The following PREX1 variants were observed in gnomAD, a reference collection of about 807,000 sequenced individuals.
The protein encoded by PREX1 is phosphatidylinositol 3,4,5-trisphosphate-dependent Rac exchanger 1 protein.
A neutral mutation model predicts 198.3 loss-of-function variants in PREX1; 41 were observed. The ratio of observed to expected loss-of-function variants is 0.21; its 90% CI spans 0.16 to 0.27. PREX1 has a LOEUF of 0.27. PREX1 is among the 10% of genes least tolerant of loss of function. The probability of loss-of-function intolerance (pLI) is 1.00; values close to 1 mark genes in which losing one functional copy is unlikely to be tolerated. For missense variants in PREX1, 1,620 were observed against 2,200.7 expected, an observed-to-expected ratio of 0.74 and a Z score of 5.28; for synonymous variants, 843 against 887.2, an observed-to-expected ratio of 0.95 and a Z score of 0.89.
chr20:48,628,960 G>A (rs2089293074), intron 37 of PREX1, among the ~76,000 whole-genome samples: 1 of 152,146 alleles, frequency 6.6e-6, no homozygotes, highest in East Asian at 1.9e-4. Flanking sequence ...GGGGAGTGGG[G>A]GTGAGGGCTG....
chr20:48,779,101 G>A (rs1046940074), intron 1 of PREX1, among the ~76,000 whole-genome samples: 1 of 152,134 alleles, frequency 6.6e-6, no homozygotes, highest in Non-Finnish European at 1.5e-5. Context: ...ATTTACAAAT[G>A]ACATATCTGA....
chr20:48,886,258 C>T, the PREX1 span, among the ~76,000 whole-genome samples: 1 of 152,172 alleles, frequency 6.6e-6, no homozygotes, highest in East Asian at 1.9e-4. Context: ...AAAGTTTATT[C>T]ATTAGTGTAA....
At chr20:48,696,402 C>T (rs2089845694) in intron 7 of PREX1, among the ~76,000 whole-genome samples, 1 of 152,170 alleles carries the variant, frequency 6.6e-6, no homozygotes, top group Non-Finnish European at 1.5e-5. Context: ...TGGGTCTACT[C>T]CTAAACTCAC....
chr20:48,823,571 C>T (rs1375733736), intron 1 of PREX1, among the ~76,000 whole-genome samples: 1 of 152,214 alleles, frequency 6.6e-6, no homozygotes, highest in Non-Finnish European at 1.5e-5. Flanking sequence ...CTCACTCAAC[C>T]CTCGTGCCAT....
At chr20:48,849,339 A>G in the PREX1 span, 1 of 152,184 alleles carries the variant, frequency 6.6e-6, no homozygotes, top group Non-Finnish European at 1.5e-5. Flanking sequence ...GAAACAGAAC[A>G]ATACTATGTG....
chr20:48,692,008 G>A (rs1330536769), intron 8 of PREX1, among the ~76,000 whole-genome samples: 1 of 152,096 alleles, frequency 6.6e-6, no homozygotes, highest in African/African-American at 2.4e-5. Flanking sequence ...TCCCACCTCA[G>A]CCTCCACAGT....
chr20:48,666,218 T>A lies in PREX1; in HGVS notation c.1738+65A>T. ...AGACCTGGCTTCAGTCCTCCCATAC[T>A]CCCCCAAACCATCAGCTCCAGGGAG... On this transcript the variant is annotated intron_variant, in intron 15 of 39. Coordinates refer to ENST00000371941, the MANE Select transcript of PREX1 (RefSeq NM_020820.4). The surrounding 1 kb of genome is among the most constrained non-coding windows in gnomAD (Gnocchi z 4.3). The A allele has an allele frequency of 6.8e-7, 1 of 1,472,608 alleles. No individual in the cohort carries two copies. Among genetic ancestry groups the A allele is most frequent in the Non-Finnish European group, 9.2e-7 (1 of 1,084,444 alleles). 91.2% of individuals were successfully genotyped at this position (1,472,608 alleles called of 1,614,324 possible). A position where few individuals can be genotyped will look rare whatever the true frequency, so the allele number is the denominator to read the frequency against.
intron 1 of PREX1, among the ~76,000 whole-genome samples, chr20:48,809,012 GAGCC>G (rs2090423619): frequency 6.6e-6 from 1 of 152,216 alleles, no homozygotes; most frequent in Non-Finnish European, 1.5e-5. Context: ...GAACCTTTCT[GAGCC>G]TCTGCTTCCT....
At chr20:48,750,150 T>C (rs1181271058) in intron 1 of PREX1, among the ~76,000 whole-genome samples, 5 of 152,114 alleles carry the variant, frequency 3.3e-5, no homozygotes, top group African/African-American at 9.7e-5. Flanking sequence ...CCTCTGACAC[T>C]CCATTTCCAA....
At chr20:48,704,911 T>C (rs2869669) in intron 6 of PREX1, among the ~76,000 whole-genome samples, 88,380 of 151,758 alleles carry the variant, frequency 0.58, 28,040 homozygotes, top group African/African-American at 0.85. Context: ...GAGCTTCACA[T>C]GGAAGTCCAT....
intron 1 of PREX1, among the ~76,000 whole-genome samples, chr20:48,809,990 G>A (rs995948447): frequency 7.9e-5 from 12 of 152,190 alleles, no homozygotes; most frequent in African/African-American, 2.7e-4. Flanking sequence ...CAAAGAACAA[G>A]AAGGACCACT....
At chr20:48,729,343 C>G (rs1409054835) in intron 4 of PREX1, among the ~76,000 whole-genome samples, 5 of 152,110 alleles carry the variant, frequency 3.3e-5, no homozygotes, top group African/African-American at 1.2e-4. Flanking sequence ...TCCTAAAGTG[C>G]TAGGATTACA....
chr20:48,873,593 G>A, the PREX1 span, among the ~76,000 whole-genome samples: 2 of 149,026 alleles, frequency 1.3e-5, no homozygotes, highest in African/African-American at 2.5e-5. Context: ...GGTGGCGGGC[G>A]CCTATAATCC....
At chr20:48,704,559 C>CCTT (rs2089893282) in intron 6 of PREX1, among the ~76,000 whole-genome samples, 5 of 133,372 alleles carry the variant, frequency 3.7e-5, no homozygotes, top group South Asian at 2.7e-4. Flanking sequence ...CTTCCTTCCT[C>CCTT]CCTCCCTCTC....
At chr20:48,670,331 C>T (rs951761498) in intron 14 of PREX1, among the ~76,000 whole-genome samples, 1 of 138,472 alleles carries the variant, frequency 7.2e-6, no homozygotes, top group African/African-American at 2.7e-5. Context: ...ACCCTGCTAC[C>T]ATCAGTACCT....
intron 4 of PREX1, among the ~76,000 whole-genome samples, chr20:48,733,760 G>GC (rs2090045250): frequency 7.2e-6 from 1 of 139,436 alleles, no homozygotes; most frequent in Non-Finnish European, 1.6e-5. Flanking sequence ...TTTGTTTTTT[G>GC]TTTTTTTTGA....
At chr20:48,698,034 A>G (rs1200778106) in intron 7 of PREX1, among the ~76,000 whole-genome samples, 1 of 152,068 alleles carries the variant, frequency 6.6e-6, no homozygotes. Flanking sequence ...CCATTGCCCA[A>G]TCTCCTGGGC....
chr20:48,788,694 T>C (rs1395535831), intron 1 of PREX1, among the ~76,000 whole-genome samples: 1 of 152,136 alleles, frequency 6.6e-6, no homozygotes. Context: ...ATTTCATGTG[T>C]TGGAAACAAA....
rs529993599 is a variant in PREX1 at position 48,758,410 on chromosome 20, A to G, written c.220-10530T>C. On this transcript the variant is annotated intron_variant, in intron 1 of 39. Coordinates refer to ENST00000371941, the MANE Select transcript of PREX1 (RefSeq NM_020820.4). ...GGAGCGTCCCTCTGGTGTGCCCTGG[A>G]GTGGTTGAGGTGTCGCAATGCAGCC... Among the ~76,000 whole-genome samples, 5 of 152,160 alleles carry G rather than the reference A, an allele frequency of 3.3e-5. No homozygotes were observed. In the South Asian group the frequency reaches 8.3e-4, roughly 25 times the overall value.
Sources: gnomAD v4.1 joint callset for allele counts (sites outside exome capture counted in the v4.1 genomes callset) on GRCh38, gnomAD v4.1.1 for gene constraint, Gnocchi (gnomAD v3.1) non-coding constraint, MANE v1.5 for transcripts, NCBI Gene and HGNC (gene_info 2026-07-23, HGNC 2026-07-21) for gene names.